Variants in TNS1 observed in about 807,000 individuals in gnomAD.
TNS1 encodes the protein tensin-1.
TNS1 carries 62 observed loss-of-function variants against 168.6 expected under a neutral mutation model. The ratio of observed to expected loss-of-function variants is 0.37; its 90% confidence interval spans 0.30 to 0.45. TNS1 has a LOEUF of 0.45. Ranked by LOEUF, TNS1 falls within the 20% of genes least tolerant of loss-of-function variation. The pLI is 1.00. For missense variants in TNS1, 2,240 were observed against 2,339.4 expected, an observed-to-expected ratio of 0.96 and a Z score of 0.88; for synonymous variants, 934 against 933.2, an observed-to-expected ratio of 1.00 and a Z score of -0.02.
At chr2:217,946,148 C>T (rs779843145) in intron 3 of TNS1, among the ~76,000 whole-genome samples, 18 of 152,164 alleles carry the variant, frequency 1.2e-4, no homozygotes, top group Non-Finnish European at 8.8e-5. Context: ...AGGCCTTTCT[C>T]GTACACCATT....
intron 18 of TNS1, among the ~76,000 whole-genome samples, chr2:217,875,568 C>T (rs1446646133): frequency 6.6e-6 from 1 of 152,160 alleles, no homozygotes; most frequent in African/African-American, 2.4e-5. Context: ...TCTATCCATG[C>T]CTGTCTATCT....
At chr2:217,807,272 T>C (rs1229244683) in intron 32 of TNS1, among the ~76,000 whole-genome samples, 1 of 152,252 alleles carries the variant, frequency 6.6e-6, no homozygotes, top group Non-Finnish European at 1.5e-5. Flanking sequence ...GAAAAGTAGA[T>C]GACAGATCAT....
intron 3 of TNS1, among the ~76,000 whole-genome samples, chr2:217,939,725 G>A (rs889680488): frequency 6.6e-6 from 1 of 152,162 alleles, no homozygotes; most frequent in Non-Finnish European, 1.5e-5. Context: ...TGAGCTACAG[G>A]CTTCCAGGCC....
At chr2:217,939,454 A>G (rs1956797741) in intron 3 of TNS1, among the ~76,000 whole-genome samples, 1 of 152,248 alleles carries the variant, frequency 6.6e-6, no homozygotes, top group South Asian at 2.1e-4. Context: ...TCTGCCCTCA[A>G]GGAGCTTGTA....
intron 19 of TNS1, among the ~76,000 whole-genome samples, chr2:217,840,347 G>C (rs1945781639): frequency 6.6e-6 from 1 of 152,234 alleles, no homozygotes; most frequent in South Asian, 2.1e-4. Flanking sequence ...GTAGATGTTA[G>C]TGGACGGCAT....
intron 4 of TNS1, among the ~76,000 whole-genome samples, chr2:217,912,561 C>T (rs748846073): frequency 6.6e-6 from 1 of 152,174 alleles, no homozygotes. Flanking sequence ...GCAGGGAGGG[C>T]TAGCGAGGGC....
At chr2:217,965,376 G>C (rs1957599775) in intron 3 of TNS1, among the ~76,000 whole-genome samples, 1 of 152,196 alleles carries the variant, frequency 6.6e-6, no homozygotes, top group Admixed American at 6.5e-5. Flanking sequence ...TGATTTCAGA[G>C]TGGGAGTGAC....
intron 4 of TNS1, among the ~76,000 whole-genome samples, chr2:217,912,818 C>A (rs1954579444): frequency 6.6e-6 from 1 of 152,184 alleles, no homozygotes; most frequent in Non-Finnish European, 1.5e-5. Context: ...GAAAACAAGG[C>A]AGCGGCAGCG....
chr2:218,028,750 CA>C (rs764524867), intron 1 of TNS1, among the ~76,000 whole-genome samples: 12 of 152,150 alleles, frequency 7.9e-5, no homozygotes, highest in Non-Finnish European at 1.8e-4. Flanking sequence ...AAGGGCTGGC[CA>C]AAAGCACCAG....
chr2:217,943,473 C>G (rs1272503459), intron 3 of TNS1, among the ~76,000 whole-genome samples: 1 of 152,196 alleles, frequency 6.6e-6, no homozygotes, highest in East Asian at 1.9e-4. Context: ...AAGCTTCCCC[C>G]TCCCTTGGTC....
chr2:217,983,073 G>T (rs1032990799), intron 2 of TNS1, among the ~76,000 whole-genome samples: 1 of 152,266 alleles, frequency 6.6e-6, no homozygotes, highest in South Asian at 2.1e-4. Flanking sequence ...ATCAGACACT[G>T]CTGGGGAGAC....
At chr2:217,862,267 A>C (rs1323032232) in intron 18 of TNS1, among the ~76,000 whole-genome samples, 64 of 151,712 alleles carry the variant, frequency 4.2e-4, no homozygotes, top group Admixed American at 4.2e-3. Flanking sequence ...CCATGTTTCT[A>C]TTTGGGGGAA....
chr2:217,858,554 TG>T (rs1948437271), intron 18 of TNS1: 1 of 986,116 alleles, frequency 1.0e-6, no homozygotes, highest in Admixed American at 6.2e-5. Context: ...TTGATCCTGG[TG>T]CCCCAAGTTC....
chr2:217,831,033 A>AGGCCCTGGCACACAGCAGCAGG (rs1350189856), intron 22 of TNS1, among the ~76,000 whole-genome samples: 2 of 152,146 alleles, frequency 1.3e-5, no homozygotes, highest in African/African-American at 4.8e-5. Flanking sequence ...CTGCCAGCAG[A>AGGCCCTGGCACACAGCAGCAGG]GGCCCTGGCA....
intron 18 of TNS1, among the ~76,000 whole-genome samples, chr2:217,864,232 T>C (rs890734092): frequency 1.3e-5 from 2 of 152,188 alleles, no homozygotes; most frequent in African/African-American, 4.8e-5. Context: ...GTGGACACCA[T>C]GTCAGTGGCA....
chr2:217,920,153 GA>G, intron 4 of TNS1, 41 bp downstream of exon 4: 1 of 703,008 alleles, frequency 1.4e-6, no homozygotes, highest in Non-Finnish European at 2.6e-6. Flanking sequence ...TGCGGAGGGA[GA>G]GGAGGCAGGG....
chr2:217,945,756 A>G (rs1169834146), intron 3 of TNS1, among the ~76,000 whole-genome samples: 1 of 151,984 alleles, frequency 6.6e-6, no homozygotes. Flanking sequence ...ACTGGTCCCA[A>G]CTCTACGGCA....
chr2:217,854,959 C>A (rs1947951214), intron 18 of TNS1, among the ~76,000 whole-genome samples: 1 of 152,218 alleles, frequency 6.6e-6, no homozygotes, highest in African/African-American at 2.4e-5. Flanking sequence ...CCACTCAGAG[C>A]CCGGCCTGCA....
rs41272679 is a variant in TNS1, at chr2:217,897,893, C to T, written c.448G>A (p.Val150Ile). Residue 150 changes from valine to isoleucine, a missense_variant, in exon 8 of 33, where the codon GTC (valine) becomes ATC (isoleucine). By Grantham distance (29) the Val-to-Ile change is conservative (BLOSUM62 3). Coordinates refer to ENST00000682258, the MANE Select transcript of TNS1 (RefSeq NM_001387777.1). ...LVYVTERIIA[V>I]SFPSTANEEN... ...TCATTGGCTGTGCTGGGGAAGGAGA[C>T]AGCGATGATCCTCTCTGTGACGTAC... The T allele has an allele frequency of 0.036, 58,563 of 1,613,516 alleles. 1,258 individuals carry two copies. Among genetic ancestry groups the T allele is most frequent in the Non-Finnish European group, 0.041 (48,048 of 1,179,678 alleles).
Sources: allele counts gnomAD v4.1 joint callset (sites outside exome capture counted in the v4.1 genomes callset), GRCh38; gene constraint gnomAD v4.1.1; transcripts MANE v1.5; gene names NCBI Gene and HGNC (gene_info 2026-07-23, HGNC 2026-07-21).